Variants in ZNF536 observed in about 807,000 individuals in gnomAD.
ZNF536 encodes the protein zinc finger protein 536.
Under a neutral mutation model 84.5 loss-of-function variants are expected in ZNF536, and 13 were observed. That is an observed-to-expected ratio of 0.15 (90% confidence interval 0.10 to 0.24). ZNF536 has a LOEUF of 0.24. Among genes scored for constraint, ZNF536 ranks in the 10% least tolerant of loss-of-function variants. The pLI is 1.00. For synonymous variants in ZNF536, 811 were observed against 742.5 expected, an observed-to-expected ratio of 1.09 and a Z score of -1.50; for missense variants, 1,536 against 1,747.5, an observed-to-expected ratio of 0.88 and a Z score of 2.16.
intron 1 of ZNF536, among the ~76,000 whole-genome samples, chr19:30,636,462 C>T (rs755857527): frequency 6.6e-6 from 1 of 152,074 alleles, no homozygotes; most frequent in Non-Finnish European, 1.5e-5. Context: ...TGATGATTTC[C>T]CATGTTCTTC....
intron 2 of ZNF536, among the ~76,000 whole-genome samples, chr19:30,333,876 C>T (rs971335446): frequency 6.6e-6 from 1 of 152,102 alleles, no homozygotes; most frequent in Non-Finnish European, 1.5e-5. Context: ...CATTGTTGAG[C>T]CCGGAATAGT....
At chr19:30,316,716 C>A (rs2046690436) in intron 2 of ZNF536, among the ~76,000 whole-genome samples, 1 of 152,138 alleles carries the variant, frequency 6.6e-6, no homozygotes, top group Non-Finnish European at 1.5e-5. Context: ...TCCATGGGTG[C>A]CATTCCAGGT....
chr19:30,613,958 G>A (rs774944893), intron 1 of ZNF536, among the ~76,000 whole-genome samples: 10 of 152,212 alleles, frequency 6.6e-5, no homozygotes, highest in Non-Finnish European at 8.8e-5. Context: ...CGCCTCCTGC[G>A]TTAAAGCGAT....
chr19:30,580,780 G>T (rs986404284), intron 1 of ZNF536, among the ~76,000 whole-genome samples: 1 of 152,118 alleles, frequency 6.6e-6, no homozygotes, highest in African/African-American at 2.4e-5. Flanking sequence ...TCTCACCAGG[G>T]TCTCCACAGT....
At chr19:30,447,416 G>A (rs186123353) in intron 2 of ZNF536, among the ~76,000 whole-genome samples, 1 of 152,292 alleles carries the variant, frequency 6.6e-6, no homozygotes, top group Non-Finnish European at 1.5e-5. Flanking sequence ...AATCTGGTCT[G>A]CACATTCCAG....
chr19:30,646,352 C>T (rs2049468454), intron 1 of ZNF536, among the ~76,000 whole-genome samples: 2 of 152,220 alleles, frequency 1.3e-5, no homozygotes, highest in African/African-American at 2.4e-5. Context: ...AAGCTTGAGC[C>T]TGCGCACACA....
intron 1 of ZNF536, among the ~76,000 whole-genome samples, chr19:30,640,197 A>G (rs2049217762): frequency 6.6e-6 from 1 of 151,062 alleles, no homozygotes; most frequent in Non-Finnish European, 1.5e-5. Flanking sequence ...CAGTGAGCCA[A>G]GATCACGCCA....
chr19:30,278,454 G>A (rs536166275), intron 1 of ZNF536, among the ~76,000 whole-genome samples: 60 of 152,168 alleles, frequency 3.9e-4, no homozygotes, highest in Non-Finnish European at 2.9e-5. Flanking sequence ...GGTTTGGACT[G>A]GCTGTTTTAT....
intron 1 of ZNF536, among the ~76,000 whole-genome samples, chr19:30,679,025 C>A (rs1196801112): frequency 6.6e-6 from 1 of 151,880 alleles, no homozygotes; most frequent in Admixed American, 6.6e-5. Flanking sequence ...TCCCTGCAGC[C>A]CCCTTCAACA....
chr19:30,502,922 AAACACAGG>A (rs1190784069), intron 2 of ZNF536, among the ~76,000 whole-genome samples: 4 of 152,168 alleles, frequency 2.6e-5, no homozygotes, highest in African/African-American at 4.8e-5. Flanking sequence ...AAATAAACAG[AAACACAGG>A]GAGACCTAAA....
chr19:30,341,794 A>G lies in ZNF536; in HGVS notation c.-119-10574A>G, dbSNP rs139570030. 2.8e-3 allele frequency among the ~76,000 whole-genome samples: 423 copies of G among 152,316 alleles called. 3 individuals carry two copies. The highest frequency in any genetic ancestry group is 1.0e-2 in the African/African-American group (414 of 41,564). Reference sequence around the variant, plus strand: ...TAAGTGCTCTAAAGGAAAGTATGAAATAATCTGTGTGTGGGCCACAAATGT... The same window carrying G: ...TAAGTGCTCTAAAGGAAAGTATGAAGTAATCTGTGTGTGGGCCACAAATGT... On this transcript the variant is annotated intron_variant, in intron 2 of 5. Transcript: ENST00000585628.
chr19:30,420,222 C>A (rs915454579), intron 1 of ZNF536, among the ~76,000 whole-genome samples: 9 of 152,272 alleles, frequency 5.9e-5, no homozygotes, highest in Admixed American at 2.0e-4. Context: ...TTTAAGGAAG[C>A]CATTTATGTT....
rs114667869 is a variant in ZNF536, at chr19:30,646,621, C to G, written c.170-64136C>G. On this transcript the variant is annotated intron_variant, in intron 1 of 1. Coordinates refer to the ZNF536 transcript ENST00000592773. ...CCACAGTGCTTTAGCTCCTTCTAGA[C>G]ATTTTCTCCACCTTTATTTGTGTTA... Among the ~76,000 whole-genome samples the G allele has an allele frequency of 3.1e-3, 473 of 152,332 alleles. 2 individuals carry two copies. The highest frequency in any genetic ancestry group is 0.01 in the African/African-American group (429 of 41,570).
At chr19:30,630,400 CGTGTGTGTGT>C (rs3028497) in intron 1 of ZNF536, among the ~76,000 whole-genome samples, 14 of 150,008 alleles carry the variant, frequency 9.3e-5, no homozygotes, top group Admixed American at 4.0e-4. Flanking sequence ...GGAAGTATCC[CGTGTGTGTGT>C]GTGTGTGTGT....
chr19:30,508,099 A>C (rs2055246193), intron 2 of ZNF536, among the ~76,000 whole-genome samples: 1 of 152,190 alleles, frequency 6.6e-6, no homozygotes. Flanking sequence ...GTGCCCCAGC[A>C]GTCTGGAAAG....
At chr19:30,640,814 G>T (rs2147333436) in intron 1 of ZNF536, among the ~76,000 whole-genome samples, 1 of 152,330 alleles carries the variant, frequency 6.6e-6, no homozygotes, top group Admixed American at 6.5e-5. Flanking sequence ...CTAAGATGTT[G>T]TCTTATACCA....
At chr19:30,383,311 C>CAAACA (rs1555737561) in intron 1 of ZNF536, among the ~76,000 whole-genome samples, 1 of 151,774 alleles carries the variant, frequency 6.6e-6, no homozygotes, top group Non-Finnish European at 1.5e-5. Context: ...AACAAACAAA[C>CAAACA]AAAAAAAACA....
At chr19:30,484,677 T>G (rs1411383253) in intron 2 of ZNF536, among the ~76,000 whole-genome samples, 1 of 150,980 alleles carries the variant, frequency 6.6e-6, no homozygotes, top group African/African-American at 2.4e-5. Context: ...CTTCTTCTTC[T>G]TCTTCTTCTT....
At chr19:30,272,009 G>C (rs1280065646) in intron 1 of ZNF536, among the ~76,000 whole-genome samples, 1 of 152,254 alleles carries the variant, frequency 6.6e-6, no homozygotes, top group African/African-American at 2.4e-5. Flanking sequence ...AGCTGCCCAA[G>C]TAGCCTCTCT....
Sources: allele counts gnomAD v4.1 joint callset (sites outside exome capture counted in the v4.1 genomes callset), GRCh38; gene constraint gnomAD v4.1.1; transcripts MANE v1.5; gene names NCBI Gene and HGNC (gene_info 2026-07-23, HGNC 2026-07-21).